PISD: variants seen among roughly 807,000 people sequenced by gnomAD.
PISD encodes the protein phosphatidylserine decarboxylase proenzyme, mitochondrial.
A neutral mutation model predicts 43.5 loss-of-function variants in PISD; 31 were observed. The ratio of observed to expected loss-of-function variants is 0.71; its 90% CI spans 0.54 to 0.96. The LOEUF (loss-of-function observed/expected upper bound fraction) is 0.96. Among genes scored for constraint, PISD ranks in the 40% least tolerant of loss-of-function variants. The pLI is 0.00. For missense variants in PISD, 523 were observed against 548.4 expected, an observed-to-expected ratio of 0.95 and a Z score of 0.46; for synonymous variants, 259 against 228.7, an observed-to-expected ratio of 1.13 and a Z score of -1.20.
chr22:31,661,903 C>T (rs1296875156), intron 1 of PISD, among the ~76,000 whole-genome samples: 2 of 152,174 alleles, frequency 1.3e-5, no homozygotes, highest in African/African-American at 4.8e-5. Flanking sequence ...ATTTTTGTCC[C>T]TCGTGAACTT....
chr22:31,656,366 G>T (rs2074176644), intron 1 of PISD, among the ~76,000 whole-genome samples: 1 of 149,446 alleles, frequency 6.7e-6, no homozygotes, highest in Non-Finnish European at 1.5e-5. Context: ...AAAAATAAAG[G>T]CCGGGCATGG....
chr22:31,644,514 C>A (rs1047806501), intron 3 of PISD, among the ~76,000 whole-genome samples: 1 of 152,126 alleles, frequency 6.6e-6, no homozygotes, highest in African/African-American at 2.4e-5. Context: ...GCTGGGATTA[C>A]AGGCATGAGC....
intron 3 of PISD, among the ~76,000 whole-genome samples, chr22:31,643,206 AATC>A (rs2073789050): frequency 6.6e-6 from 1 of 152,254 alleles, no homozygotes; most frequent in East Asian, 1.9e-4. Context: ...AAGGCGTGGG[AATC>A]ATCATGTCCC....
intron 3 of PISD, 90 bp from the exon 4 acceptor site, chr22:31,621,975 G>C (rs2072609598): frequency 1.0e-6 from 1 of 991,842 alleles, no homozygotes; most frequent in South Asian, 1.4e-5. Context: ...TCTCACTTCA[G>C]GGGAGAATCT....
intron 3 of PISD, chr22:31,623,976 T>TCACCCCCATGGAGA: frequency 1.3e-6 from 1 of 786,364 alleles, no homozygotes; most frequent in Non-Finnish European, 2.0e-6. Context: ...TGCCTCTCCA[T>TCACCCCCATGGAGA]GGGGGTGATG....
chr22:31,621,832 G>A lies in PISD; in HGVS notation c.375C>T (p.Arg125=). The A allele has an allele frequency of 6.2e-7, 1 of 1,612,732 alleles. No homozygotes were observed. Among genetic ancestry groups the A allele is most frequent in the Non-Finnish European group, 8.5e-7 (1 of 1,180,042 alleles). Residue 125 remains arginine (R), a synonymous_variant, in exon 4 of 8, where the codon CGC becomes CGT. Transcript: ENST00000439502. ...PTRLLSRAWG[R]LNQVELPHWL... ...AGTGTGGCAGCTCCACCTGATTGAG[G>A]CGACCCCAGGCCCGTGACAGCAAGC...
chr22:31,621,025 C>G lies in PISD; in HGVS notation c.815G>C (p.Trp272Ser). The stretch of plus-strand genomic sequence containing the variant: ...GAAGTGGCGCCGGTGGGACACAGTC[C>G]AGTCGGTGGGGGAGTGGAAGCAGTG... ...DYHCFHSPTD[W>S]TVSHRRHFPG... The change falls in exon 6 of 8, where the codon TGG (tryptophan) becomes TCG (serine). Residue 272 changes from tryptophan to serine, a missense_variant. Trp to Ser is a radical substitution (Grantham distance 177). Coordinates refer to ENST00000439502, the MANE Select transcript of PISD (RefSeq NM_001326411.2). 1 of 1,613,784 alleles carries G rather than the reference C, an allele frequency of 6.2e-7. No individual in the cohort carries two copies. The highest frequency in any genetic ancestry group is 8.5e-7 in the Non-Finnish European group (1 of 1,179,830).
intron 1 of PISD, among the ~76,000 whole-genome samples, chr22:31,655,318 T>C (rs1384500183): frequency 1.0e-4 from 13 of 127,664 alleles, no homozygotes; most frequent in African/African-American, 2.1e-4. Context: ...ACAACCCCCT[T>C]TTTTTTTTTT....
chr22:31,640,904 T>TTTTTTTTTTTTTTTTTA (rs58251593), intron 3 of PISD, among the ~76,000 whole-genome samples: 1 of 114,964 alleles, frequency 8.7e-6, no homozygotes. Context: ...TTTTTTTTTT[T>TTTTTTTTTTTTTTTTTA]GAGATGGAGT....
chr22:31,620,536 G>A lies in PISD; in HGVS notation c.1005+17C>T. 6.2e-7 allele frequency: 1 copy of A among 1,613,724 alleles called. No individual in the cohort carries two copies. Among genetic ancestry groups the A allele is most frequent in the South Asian group, 1.1e-5 (1 of 91,070 alleles). ...GGTCTGGCCCTTGGGCTTTGGCAGGGCCTAGATCCTGCTTACCCGGTCAAA... is the reference window on the plus strand; with the variant it reads ...GGTCTGGCCCTTGGGCTTTGGCAGGACCTAGATCCTGCTTACCCGGTCAAA... On this transcript the variant is annotated intron_variant, in intron 7 of 7. Coordinates refer to ENST00000439502, the MANE Select transcript of PISD (RefSeq NM_001326411.2).
intron 3 of PISD, among the ~76,000 whole-genome samples, chr22:31,637,413 T>C (rs1374345636): frequency 1.3e-5 from 2 of 150,430 alleles, no homozygotes; most frequent in Non-Finnish European, 3.0e-5. Context: ...TTAAAAGAGG[T>C]TACATATTTA....
In PISD at chr22:31,621,413, C is replaced by G; in HGVS notation, c.618G>C (p.Glu206Asp). 1 of 1,614,142 alleles carries G rather than the reference C, an allele frequency of 6.2e-7. No homozygotes were observed. Among genetic ancestry groups the G allele is most frequent in the Non-Finnish European group, 8.5e-7 (1 of 1,180,012 alleles). Residue 206 changes from glutamate (E) to aspartate (D), a missense_variant, in exon 5 of 8, where the codon GAG becomes GAC. Transcript: ENST00000439502. ...GGGAGTAGGTGACCCCCTTTACCTG[C>G]TCCACCTCACAGTTCTTCACCTGCC... The part of the protein sequence containing the change: ...NFGQVKNCEV[E>D]QVKGVTYSLE...
At chr22:31,627,675 G>A (rs1428271271) in intron 3 of PISD, among the ~76,000 whole-genome samples, 1 of 152,220 alleles carries the variant, frequency 6.6e-6, no homozygotes, top group African/African-American at 2.4e-5. Context: ...GGGCCTTGGG[G>A]AGCCCCAGCC....
intron 3 of PISD, among the ~76,000 whole-genome samples, chr22:31,643,537 T>C (rs892745694): frequency 1.8e-4 from 27 of 152,286 alleles, no homozygotes; most frequent in African/African-American, 5.8e-4. Flanking sequence ...AGTTCAAGGC[T>C]GTAGCAAGAT....
At chr22:31,639,363 G>A (rs867223363) in intron 3 of PISD, among the ~76,000 whole-genome samples, 78 of 151,952 alleles carry the variant, frequency 5.1e-4, no homozygotes, top group African/African-American at 1.7e-3. Flanking sequence ...TAGTAGAGAC[G>A]GGGTTTCACC....
chr22:31,626,015 G>A, intron 3 of PISD: 1 of 1,438,608 alleles, frequency 7.0e-7, no homozygotes, highest in Non-Finnish European at 9.1e-7. Flanking sequence ...AGAGGGTCAG[G>A]GCTATTGCAG....
chr22:31,652,416 C>T (rs1327280666), intron 1 of PISD, among the ~76,000 whole-genome samples: 1 of 151,892 alleles, frequency 6.6e-6, no homozygotes, highest in South Asian at 2.1e-4. Flanking sequence ...CAGATGTGAG[C>T]CACAGCACTT....
At chr22:31,652,416 C>A (rs1327280666) in intron 1 of PISD, among the ~76,000 whole-genome samples, 3 of 151,892 alleles carry the variant, frequency 2.0e-5, no homozygotes, top group Non-Finnish European at 4.4e-5. Flanking sequence ...CAGATGTGAG[C>A]CACAGCACTT....
At chr22:31,629,168 TGAATGAC>T (rs2073066735) in intron 3 of PISD, 3 of 985,032 alleles carry the variant, frequency 3.0e-6, no homozygotes, top group Middle Eastern at 5.2e-4. Flanking sequence ...CTGAAGTCGA[TGAATGAC>T]CCCAGGCCAG....
Sources: gnomAD v4.1 joint callset for allele counts (sites outside exome capture counted in the v4.1 genomes callset) on GRCh38, gnomAD v4.1.1 for gene constraint, MANE v1.5 for transcripts, NCBI Gene and HGNC (gene_info 2026-07-23, HGNC 2026-07-21) for gene names.